Variants in PPP2R5E observed in about 807,000 individuals in gnomAD.
The protein encoded by PPP2R5E is protein phosphatase 2 regulatory subunit B'epsilon, also known as serine/threonine-protein phosphatase 2A 56 kDa regulatory subunit epsilon isoform.
PPP2R5E carries 4 observed loss-of-function variants against 65.3 expected under a neutral mutation model. That is an observed-to-expected ratio of 0.06 (90% CI 0.03 to 0.14). The LOEUF (loss-of-function observed/expected upper bound fraction) is 0.14. Among genes scored for constraint, PPP2R5E ranks in the 10% least tolerant of loss-of-function variants. The pLI, the probability that PPP2R5E is intolerant of heterozygous loss-of-function variation, is 1.00. For synonymous variants in PPP2R5E, 183 were observed against 187.4 expected (o/e 0.98, Z 0.19); for missense variants, 274 against 556.1 (o/e 0.49, Z 5.10).
chr14:63,391,759 T>C (rs1885037576), intron 10 of PPP2R5E, 58 bp downstream of exon 10: 1 of 1,560,880 alleles, frequency 6.4e-7, no homozygotes, highest in Non-Finnish European at 8.8e-7. Flanking sequence ...AGCCCAATCC[T>C]TGGCACTCAG....
At chr14:63,412,727 G>A (rs1049852004) in intron 5 of PPP2R5E, among the ~76,000 whole-genome samples, 3 of 152,184 alleles carry the variant, frequency 2.0e-5, no homozygotes, top group Non-Finnish European at 2.9e-5. Flanking sequence ...GGGGATTGGC[G>A]AGGAGAAAAG....
intron 2 of PPP2R5E, among the ~76,000 whole-genome samples, chr14:63,494,807 G>A (rs945606464): frequency 1.3e-5 from 2 of 151,898 alleles, no homozygotes; most frequent in African/African-American, 4.8e-5. Context: ...TGAGATGGGA[G>A]GATGGCTTGA....
chr14:63,393,239 T>C (rs960107331), intron 8 of PPP2R5E, among the ~76,000 whole-genome samples: 1 of 152,212 alleles, frequency 6.6e-6, no homozygotes, highest in African/African-American at 2.4e-5. Context: ...AGGTTCAGTA[T>C]GTTATTGTGT....
At chr14:63,451,549 G>C (rs1371282049) in intron 3 of PPP2R5E, 1 of 152,344 alleles carries the variant, frequency 6.6e-6, no homozygotes, top group Non-Finnish European at 1.5e-5. Context: ...GGTTGCCAGG[G>C]AGTTGAAGGT....
intron 2 of PPP2R5E, among the ~76,000 whole-genome samples, chr14:63,529,361 CT>C (rs557363996): frequency 2.0e-3 from 254 of 129,628 alleles, no homozygotes; most frequent in Middle Eastern, 4.1e-3. Context: ...AGCCCAAAGA[CT>C]TTTTTTTTTT....
chr14:63,444,545 A>G (rs1888386657), intron 3 of PPP2R5E, among the ~76,000 whole-genome samples: 1 of 152,180 alleles, frequency 6.6e-6, no homozygotes, highest in Admixed American at 6.5e-5. Context: ...TAACTAAAAC[A>G]ATGTCTTCAC....
intron 2 of PPP2R5E, among the ~76,000 whole-genome samples, chr14:63,482,880 T>C (rs1890784361): frequency 6.6e-6 from 1 of 152,224 alleles, no homozygotes; most frequent in Non-Finnish European, 1.5e-5. Flanking sequence ...CAAATAATTT[T>C]GAGCATTTTC....
In PPP2R5E at chr14:63,374,080, ACTG is replaced by A. The variant is rs888159474; in HGVS notation, c.*1926_*1928del. 11 of 126,862 alleles carry A rather than the reference ACTG, an allele frequency of 8.7e-5. No individual in the cohort carries two copies. In the East Asian group the frequency reaches 1.3e-3, roughly 15 times the overall value. The allele number at this position is 126,862 out of a possible 1,614,324, so 7.9% of individuals were successfully genotyped here. ...GTGTTGCATATGACTTTTTTTTTTT[ACTG>A]CTTTTTTTTTTCTTTTTGGAATTAA... is the stretch of plus-strand genomic sequence containing the variant. On this transcript the variant is annotated 3_prime_UTR_variant, in exon 14 of 14. Transcript: ENST00000337537.
intron 2 of PPP2R5E, among the ~76,000 whole-genome samples, chr14:63,515,020 G>T (rs1237745077): frequency 2.0e-5 from 3 of 152,098 alleles, no homozygotes; most frequent in Non-Finnish European, 4.4e-5. Flanking sequence ...TGCTGAACAT[G>T]CAATATCTCT....
chr14:63,532,671 T>C (rs1267355368), intron 2 of PPP2R5E, among the ~76,000 whole-genome samples: 1 of 152,214 alleles, frequency 6.6e-6, no homozygotes. Flanking sequence ...AACGTCATCA[T>C]CATTTTACAG....
At chr14:63,448,726 G>T (rs1487886206) in intron 3 of PPP2R5E, among the ~76,000 whole-genome samples, 6 of 147,218 alleles carry the variant, frequency 4.1e-5, no homozygotes, top group Admixed American at 6.8e-5. Context: ...GAGGCGGGAG[G>T]TTGCAGTGAG....
intron 2 of PPP2R5E, among the ~76,000 whole-genome samples, chr14:63,503,804 C>G (rs1892025178): frequency 6.6e-6 from 1 of 152,046 alleles, no homozygotes. Flanking sequence ...TAAGAGGTTC[C>G]GATGGCAAGA....
chr14:63,447,419 C>G (rs1446765690), intron 3 of PPP2R5E, among the ~76,000 whole-genome samples: 1 of 152,208 alleles, frequency 6.6e-6, no homozygotes, highest in Non-Finnish European at 1.5e-5. Context: ...CCTCATAAGC[C>G]AACCAACCTC....
At chr14:63,530,226 G>GTTTTTTTTTTTTTTTTTTTTTTTTT (rs555112537) in intron 2 of PPP2R5E, among the ~76,000 whole-genome samples, 1 of 99,484 alleles carries the variant, frequency 1.0e-5, no homozygotes, top group African/African-American at 4.1e-5. Flanking sequence ...AAATTTTTCC[G>GTTTTTTTTTTTTTTTTTTTTTTTTT]TTTTTTTTTT....
At chr14:63,527,460 G>A (rs536573721) in intron 2 of PPP2R5E, among the ~76,000 whole-genome samples, 90 of 152,278 alleles carry the variant, frequency 5.9e-4, no homozygotes, top group Non-Finnish European at 9.6e-4. Flanking sequence ...ACTAAAAGAC[G>A]TTAGTAAACA....
chr14:63,390,158 C>T (rs921422924), intron 10 of PPP2R5E, among the ~76,000 whole-genome samples: 6 of 152,064 alleles, frequency 3.9e-5, no homozygotes, highest in Non-Finnish European at 7.4e-5. Context: ...TTGCCAAATA[C>T]GTACAGCCCC....
chr14:63,379,170 A>C (rs8015072), intron 13 of PPP2R5E, among the ~76,000 whole-genome samples: 43,265 of 151,810 alleles, frequency 0.28, 11,543 homozygotes, highest in African/African-American at 0.69. Context: ...CTGGGACTAC[A>C]GGCACCCGCC....
At chr14:63,509,147 T>G (rs1189896516) in intron 2 of PPP2R5E, among the ~76,000 whole-genome samples, 1 of 152,110 alleles carries the variant, frequency 6.6e-6, no homozygotes, top group African/African-American at 2.4e-5. Context: ...TCTCTAGGCC[T>G]GTGTAGACTG....
chr14:63,447,992 A>G (rs1322580083), intron 3 of PPP2R5E, among the ~76,000 whole-genome samples: 1 of 152,218 alleles, frequency 6.6e-6, no homozygotes, highest in Non-Finnish European at 1.5e-5. Context: ...ATGGTGTCCC[A>G]AAGCAATTAA....
Sources: allele counts gnomAD v4.1 joint callset (sites outside exome capture counted in the v4.1 genomes callset), GRCh38; gene constraint gnomAD v4.1.1; transcripts MANE v1.5; gene names NCBI Gene and HGNC (gene_info 2026-07-23, HGNC 2026-07-21).